The following SGMS1 variants were observed in gnomAD, a reference collection of about 807,000 sequenced individuals.
SGMS1 encodes the protein sphingomyelin synthase 1.
SGMS1 carries 13 observed loss-of-function variants against 46.2 expected under a neutral mutation model. The ratio of observed to expected loss-of-function variants is 0.28; its 90% CI spans 0.18 to 0.45. SGMS1 has a LOEUF of 0.45. Among genes scored for constraint, SGMS1 ranks in the 20% least tolerant of loss-of-function variants. SGMS1 has a pLI of 1.00. For synonymous variants in SGMS1, 203 were observed against 187.8 expected (o/e 1.08, Z -0.66); for missense variants, 324 against 519.9 (o/e 0.62, Z 3.66).
intron 2 of SGMS1, among the ~76,000 whole-genome samples, chr10:50,587,134 C>T (rs1018757589): frequency 6.6e-6 from 1 of 152,136 alleles, no homozygotes; most frequent in Non-Finnish European, 1.5e-5. Flanking sequence ...GAGTAGTCAT[C>T]CATGGAGCAA....
At chr10:50,410,043 A>AATT in intron 6 of SGMS1, among the ~76,000 whole-genome samples, 1 of 152,222 alleles carries the variant, frequency 6.6e-6, no homozygotes, top group South Asian at 2.1e-4. Context: ...AATGAGAATT[A>AATT]TAGGACACAC....
intron 6 of SGMS1, among the ~76,000 whole-genome samples, chr10:50,378,582 A>T (rs1333780553): frequency 2.0e-5 from 3 of 152,184 alleles, no homozygotes; most frequent in African/African-American, 7.2e-5. Context: ...TTATTCATAC[A>T]CTAATTTGTA....
At chr10:50,600,228 T>C (rs777093972) in intron 1 of SGMS1, among the ~76,000 whole-genome samples, 5 of 152,238 alleles carry the variant, frequency 3.3e-5, no homozygotes, top group Non-Finnish European at 7.3e-5. Context: ...ATCAATTTCA[T>C]ATAACCTGGT....
chr10:50,456,381 G>A (rs1837191256), intron 5 of SGMS1, among the ~76,000 whole-genome samples: 1 of 152,048 alleles, frequency 6.6e-6, no homozygotes, highest in South Asian at 2.1e-4. Flanking sequence ...GGGAAATAAG[G>A]AACCATGTCT....
intron 6 of SGMS1, among the ~76,000 whole-genome samples, chr10:50,384,390 T>C (rs935393513): frequency 1.5e-5 from 2 of 134,974 alleles, no homozygotes; most frequent in Non-Finnish European, 3.0e-5. Flanking sequence ...TCTTTTTCTC[T>C]CTCTCTCTCT....
chr10:50,319,028 C>A (rs1002002175), intron 8 of SGMS1, among the ~76,000 whole-genome samples: 1 of 152,050 alleles, frequency 6.6e-6, no homozygotes, highest in African/African-American at 2.4e-5. Flanking sequence ...ATTTCTATTA[C>A]CCATATTCTT....
chr10:50,337,572 A>T (rs1014112512), intron 7 of SGMS1, among the ~76,000 whole-genome samples: 21 of 152,212 alleles, frequency 1.4e-4, no homozygotes, highest in African/African-American at 5.1e-4. Context: ...ACCTTTGGGA[A>T]CAGAAGAGGA....
chr10:50,338,288 T>C (rs1369019286), intron 7 of SGMS1, among the ~76,000 whole-genome samples: 4 of 152,192 alleles, frequency 2.6e-5, no homozygotes, highest in Non-Finnish European at 5.9e-5. Flanking sequence ...GTTTCTTTTC[T>C]TTCTTCAAAT....
At chr10:50,438,835 C>T (rs1252104648) in intron 5 of SGMS1, among the ~76,000 whole-genome samples, 1 of 152,190 alleles carries the variant, frequency 6.6e-6, no homozygotes, top group African/African-American at 2.4e-5. Context: ...CCTTAACACT[C>T]CATCCTATTC....
At chr10:50,445,108 A>C (rs1448561823) in intron 5 of SGMS1, among the ~76,000 whole-genome samples, 1 of 152,212 alleles carries the variant, frequency 6.6e-6, no homozygotes, top group Middle Eastern at 3.2e-3. Context: ...TACATGAAAA[A>C]ATTTTCAACA....
At chr10:50,501,032 A>G (rs1245485201) in intron 3 of SGMS1, among the ~76,000 whole-genome samples, 4 of 152,238 alleles carry the variant, frequency 2.6e-5, no homozygotes. Flanking sequence ...GGGTCACATT[A>G]TGAGTATCTA....
chr10:50,543,125 T>C (rs1372331835), intron 2 of SGMS1, among the ~76,000 whole-genome samples: 1 of 152,182 alleles, frequency 6.6e-6, no homozygotes, highest in African/African-American at 2.4e-5. Context: ...GTGTTGACTT[T>C]GTGCAGAGCA....
chr10:50,418,588 T>C (rs1217745821), intron 6 of SGMS1: 2 of 152,360 alleles, frequency 1.3e-5, no homozygotes, highest in East Asian at 3.9e-4. Context: ...GCCTTTTCTT[T>C]ACGCCTTTGA....
At chr10:50,501,327 A>G (rs1837659674) in intron 3 of SGMS1, among the ~76,000 whole-genome samples, 1 of 152,204 alleles carries the variant, frequency 6.6e-6, no homozygotes, top group African/African-American at 2.4e-5. Context: ...CTAACAGCGA[A>G]TGAAAGGGGT....
intron 6 of SGMS1, among the ~76,000 whole-genome samples, chr10:50,367,487 C>T (rs973143738): frequency 2.2e-4 from 34 of 152,210 alleles, no homozygotes; most frequent in African/African-American, 7.7e-4. Flanking sequence ...GCACCACTTG[C>T]GTGCCCACCA....
intron 5 of SGMS1, among the ~76,000 whole-genome samples, chr10:50,441,609 T>C (rs2133637951): frequency 6.6e-6 from 1 of 152,378 alleles, no homozygotes; most frequent in Non-Finnish European, 1.5e-5. Flanking sequence ...TGAATGAACC[T>C]GCTCCTCTAA....
chr10:50,462,935 G>T (rs552750299), intron 4 of SGMS1, among the ~76,000 whole-genome samples: 60 of 152,082 alleles, frequency 3.9e-4, no homozygotes, highest in African/African-American at 1.3e-3. Flanking sequence ...TCCTCAGAAG[G>T]GGAGTGGGGA....
chr10:50,308,294 A>T, intron 9 of SGMS1, 146 bp from the exon 10 acceptor site: 1 of 683,618 alleles, frequency 1.5e-6, no homozygotes, highest in Non-Finnish European at 2.4e-6. Flanking sequence ...GCTGTCATTT[A>T]TCTGTAACCA....
Position 50,341,338 on chromosome 10 carries a change from G to GGA in SGMS1, c.623+2152_623+2153dup, listed in dbSNP as rs751236782. The stretch of plus-strand genomic sequence containing the variant: ...CAGATACACTGAAGAGAGGTCACAG[G>GGA]GAGAGAGACAGGAAACCAGCGATGG... On this transcript the variant is annotated intron_variant, in intron 7 of 10. Transcript: ENST00000361781. The GGA allele has an allele frequency of 1.2e-4, 56 of 455,822 alleles. 1 individual carries two copies. The highest frequency in any genetic ancestry group is 8.5e-4 in the South Asian group (55 of 64,564). 28.2% of individuals were successfully genotyped at this position (455,822 alleles called of 1,614,324 possible).
Sources: allele counts gnomAD v4.1 joint callset (sites outside exome capture counted in the v4.1 genomes callset), GRCh38; gene constraint gnomAD v4.1.1; transcripts MANE v1.5; gene names NCBI Gene and HGNC (gene_info 2026-07-23, HGNC 2026-07-21).